The following RIC1 variants were observed in gnomAD, a reference collection of about 807,000 sequenced individuals.
RIC1 encodes the protein guanine nucleotide exchange factor subunit RIC1.
A neutral mutation model predicts 169.0 loss-of-function variants in RIC1; 88 were observed. The ratio of observed to expected loss-of-function variants is 0.52; its 90% confidence interval spans 0.44 to 0.62. The LOEUF (loss-of-function observed/expected upper bound fraction) is 0.62, where lower values mean the gene tolerates loss of function less well. Among genes scored for constraint, RIC1 ranks in the 20% least tolerant of loss-of-function variants. RIC1 has a pLI of 0.00. For missense variants in RIC1, 1,877 were observed against 1,725.5 expected (o/e 1.09, Z -1.56); for synonymous variants, 790 against 601.5 (o/e 1.31, Z -4.59).
chr9:5,706,374 C>T (rs139516299), intron 3 of RIC1, among the ~76,000 whole-genome samples: 1 of 152,148 alleles, frequency 6.6e-6, no homozygotes, highest in Non-Finnish European at 1.5e-5. Flanking sequence ...ATTGCTTGAA[C>T]CAGGGAGTCG....
chr9:5,636,328 T>C (rs1817969450), intron 1 of RIC1, among the ~76,000 whole-genome samples: 1 of 152,184 alleles, frequency 6.6e-6, no homozygotes, highest in African/African-American at 2.4e-5. Context: ...TTTCTTTTTC[T>C]GTTTTTTTTA....
intron 12 of RIC1, among the ~76,000 whole-genome samples, chr9:5,751,682 C>T (rs939995116): frequency 2.6e-5 from 4 of 152,108 alleles, no homozygotes; most frequent in African/African-American, 9.7e-5. Context: ...ATTTATTAAG[C>T]TATTGATTTA....
intron 25 of RIC1, among the ~76,000 whole-genome samples, chr9:5,773,455 T>C (rs1827367468): frequency 6.6e-6 from 1 of 152,208 alleles, no homozygotes; most frequent in Non-Finnish European, 1.5e-5. Flanking sequence ...TTAAGGTCCA[T>C]GTGAATTTAA....
At chr9:5,717,887 T>C (rs888721537) in intron 4 of RIC1, among the ~76,000 whole-genome samples, 1 of 144,728 alleles carries the variant, frequency 6.9e-6, no homozygotes, top group African/African-American at 2.6e-5. Context: ...ACGCCTGTAA[T>C]CCCAGCACTT....
intron 3 of RIC1, among the ~76,000 whole-genome samples, chr9:5,707,646 C>T (rs12683639): frequency 6.6e-6 from 1 of 151,596 alleles, no homozygotes; most frequent in Non-Finnish European, 1.5e-5. Context: ...TGTGATAGTT[C>T]CTAAAGTCTT....
intron 2 of RIC1, among the ~76,000 whole-genome samples, chr9:5,684,941 A>C (rs1035761915): frequency 1.3e-5 from 2 of 151,858 alleles, no homozygotes; most frequent in African/African-American, 4.8e-5. Context: ...TTCCTTTTTT[A>C]GTTTGTTAAT....
At chr9:5,685,892 A>G (rs903552476) in intron 2 of RIC1, among the ~76,000 whole-genome samples, 15 of 146,096 alleles carry the variant, frequency 1.0e-4, no homozygotes, top group African/African-American at 3.7e-4. Context: ...CAAAGGGCTA[A>G]TATCCAGAAT....
chr9:5,777,305 A>T (rs1215738542), downstream of RIC1, among the ~76,000 whole-genome samples: 4 of 151,152 alleles, frequency 2.6e-5, no homozygotes, highest in African/African-American at 4.8e-5. Context: ...TCAATATTCA[A>T]GTTTTTTTTT....
rs1375855553 is a variant in RIC1 at position 5,775,595 on chromosome 9, G to C, written c.*1349G>C. 6.6e-6 allele frequency: 1 copy of C among 152,114 alleles called. No individual in the cohort carries two copies. Among genetic ancestry groups the C allele is most frequent in the East Asian group, 1.9e-4 (1 of 5,196 alleles). The allele number at this position is 152,114 out of a possible 1,614,324, so 9.4% of individuals were successfully genotyped here. A position where few individuals can be genotyped will look rare whatever the true frequency, so the allele number is the denominator to read the frequency against. On this transcript the variant is annotated 3_prime_UTR_variant, in exon 26 of 26. Transcript: ENST00000414202. ...AAATAGCCTCTTTTCTCATAGTGCA[G>C]TTGTAGTTTAGAAACAAAACTTGGT...
intron 3 of RIC1, chr9:5,712,872 C>G (rs1358138859): frequency 3.9e-5 from 6 of 151,920 alleles, no homozygotes; most frequent in African/African-American, 1.2e-4. Context: ...GTCATTTAGA[C>G]TTAGAAGGAA....
intron 4 of RIC1, among the ~76,000 whole-genome samples, chr9:5,715,715 T>C (rs957419363): frequency 2.6e-5 from 4 of 152,208 alleles, no homozygotes; most frequent in African/African-American, 9.7e-5. Context: ...ATGTTAAGCA[T>C]CTAACTTTTG....
intron 7 of RIC1, among the ~76,000 whole-genome samples, chr9:5,734,147 C>T (rs1824549849): frequency 1.3e-5 from 2 of 150,550 alleles, no homozygotes; most frequent in Admixed American, 1.3e-4. Context: ...CGCTCTGTCG[C>T]CCTGGCTAGA....
At chr9:5,642,564 T>G (rs1451677996) in intron 1 of RIC1, among the ~76,000 whole-genome samples, 1 of 144,832 alleles carries the variant, frequency 6.9e-6, no homozygotes, top group Non-Finnish European at 1.5e-5. Flanking sequence ...GCAATTTGTT[T>G]GATATTCTGT....
chr9:5,632,127 G>A (rs756491667), intron 1 of RIC1, among the ~76,000 whole-genome samples: 5 of 152,296 alleles, frequency 3.3e-5, no homozygotes, highest in East Asian at 1.9e-4. Context: ...AGACATGCTC[G>A]TAGAGATGAT....
intron 3 of RIC1, among the ~76,000 whole-genome samples, chr9:5,709,741 A>G (rs1822821625): frequency 6.6e-6 from 1 of 152,190 alleles, no homozygotes; most frequent in Non-Finnish European, 1.5e-5. Flanking sequence ...TGAGAAAGTC[A>G]GAATTTTTTT....
chr9:5,713,863 C>T, intron 3 of RIC1, 33 bp from the exon 4 acceptor site: 1 of 1,490,542 alleles, frequency 6.7e-7, no homozygotes, highest in Non-Finnish European at 9.3e-7. Context: ...GCAAATTCAG[C>T]ATCTTTCTTT....
At chr9:5,647,985 G>GAT (rs1563867089) in intron 1 of RIC1, among the ~76,000 whole-genome samples, 1 of 120,930 alleles carries the variant, frequency 8.3e-6, no homozygotes, top group African/African-American at 4.1e-5. Context: ...TGGTGGTGGT[G>GAT]GTGGTGGTAG....
At chr9:5,659,167 T>C (rs78466152) in intron 2 of RIC1, among the ~76,000 whole-genome samples, 4,116 of 152,244 alleles carry the variant, frequency 0.027, 94 homozygotes, top group Admixed American at 0.038. Flanking sequence ...TCTTTTCCCA[T>C]TGAACGGTCT....
intron 12 of RIC1, 92 bp downstream of exon 12, chr9:5,747,597 G>A: frequency 2.6e-6 from 3 of 1,143,212 alleles, no homozygotes; most frequent in Non-Finnish European, 3.9e-6. Flanking sequence ...TTAACTTCAG[G>A]CAACTGAGAA....
Sources: gnomAD v4.1 joint callset for allele counts (sites outside exome capture counted in the v4.1 genomes callset) on GRCh38, gnomAD v4.1.1 for gene constraint, MANE v1.5 for transcripts, NCBI Gene and HGNC (gene_info 2026-07-23, HGNC 2026-07-21) for gene names.